TMC1: variants seen among roughly 807,000 people sequenced by gnomAD.
The protein encoded by TMC1 is transmembrane channel-like protein 1.
A neutral mutation model predicts 105.8 loss-of-function variants in TMC1; 84 were observed. The ratio of observed to expected loss-of-function variants is 0.79; its 90% CI spans 0.67 to 0.95. TMC1 has a LOEUF of 0.95. TMC1 is among the 40% of genes least tolerant of loss of function. TMC1 has a pLI of 0.00. For synonymous variants in TMC1, 315 were observed against 311.5 expected (o/e 1.01, Z -0.12); for missense variants, 817 against 914.1 (o/e 0.89, Z 1.37).
At chr9:72,688,291 A>G (rs999859547) in intron 5 of TMC1, among the ~76,000 whole-genome samples, 3 of 152,188 alleles carry the variant, frequency 2.0e-5, no homozygotes, top group African/African-American at 7.2e-5. Flanking sequence ...ATTTTTAAGT[A>G]GTTAATTTGG....
intron 13 of TMC1, among the ~76,000 whole-genome samples, chr9:72,786,389 A>G (rs890740390): frequency 6.6e-6 from 1 of 152,198 alleles, no homozygotes; most frequent in Non-Finnish European, 1.5e-5. Context: ...GCTTGCATTG[A>G]GCCGAGATCG....
At chr9:72,756,405 G>C (rs527679765) in intron 12 of TMC1, among the ~76,000 whole-genome samples, 7 of 152,234 alleles carry the variant, frequency 4.6e-5, no homozygotes, top group African/African-American at 1.4e-4. Context: ...AGAAGAGATG[G>C]CCTCTGAGTT....
At chr9:72,766,182 C>T (rs1391799505) in intron 12 of TMC1, among the ~76,000 whole-genome samples, 1 of 152,160 alleles carries the variant, frequency 6.6e-6, no homozygotes, top group East Asian at 1.9e-4. Flanking sequence ...CTTTGGGAGG[C>T]CGAGGTGGGT....
chr9:72,719,876 C>T (rs1826992463), intron 8 of TMC1, among the ~76,000 whole-genome samples: 1 of 152,138 alleles, frequency 6.6e-6, no homozygotes, highest in African/African-American at 2.4e-5. Context: ...AGATTTTGTC[C>T]ATCAAAAGGT....
intron 1 of TMC1, among the ~76,000 whole-genome samples, chr9:72,569,164 G>A (rs1824223314): frequency 6.6e-6 from 1 of 152,058 alleles, no homozygotes; most frequent in South Asian, 2.1e-4. Context: ...ACATCCTACT[G>A]TATACTTTAA....
In TMC1 at chr9:72,694,217, A is replaced by G. The variant is rs569802618; in HGVS notation, c.65-326A>G. On this transcript the variant is annotated intron_variant, in intron 6 of 23. Transcript: ENST00000297784. ...AACTTGGACTTATTTGAATGGTCTT[A>G]GAGGTCATGGTATGATATTAACCAC... Among the ~76,000 whole-genome samples, 293 of 152,336 alleles carry G rather than the reference A, an allele frequency of 1.9e-3. 1 individual carries two copies. Among genetic ancestry groups the G allele is most frequent in the Middle Eastern group, 6.8e-3 (2 of 294 alleles).
At chr9:72,564,949 A>G (rs1457815111) in intron 1 of TMC1, among the ~76,000 whole-genome samples, 1 of 152,260 alleles carries the variant, frequency 6.6e-6, no homozygotes, top group Non-Finnish European at 1.5e-5. Flanking sequence ...TTTTAAAACA[A>G]CTGCTACATA....
In TMC1 at chr9:72,647,584, T is replaced by C. The variant is rs892949161; in HGVS notation, c.-52-1013T>C. 2.0e-5 allele frequency among the ~76,000 whole-genome samples: 3 copies of C among 152,290 alleles called. No homozygotes were observed. In the South Asian group the frequency reaches 6.2e-4, roughly 32 times the overall value. On this transcript the variant is annotated intron_variant, in intron 4 of 23. Transcript: ENST00000297784. The stretch of plus-strand genomic sequence containing the variant: ...TTCTCTCTTACTACTCCAATTAAAA[T>C]CCAGTATCTAGAATAGGGAAAAACC...
At chr9:72,685,555 G>T (rs748251402) in intron 5 of TMC1, among the ~76,000 whole-genome samples, 2 of 151,828 alleles carry the variant, frequency 1.3e-5, no homozygotes, top group Non-Finnish European at 2.9e-5. Context: ...GTAGAGGCGG[G>T]GTTTCACCTT....
chr9:72,823,968 G>A (rs55658141), intron 20 of TMC1, among the ~76,000 whole-genome samples: 14,630 of 152,272 alleles, frequency 0.096, 756 homozygotes, highest in Non-Finnish European at 0.13. Flanking sequence ...TTTCATGCAT[G>A]ATTTTTCATA....
intron 21 of TMC1, 77 bp downstream of exon 21, chr9:72,827,071 C>T: frequency 6.4e-7 from 1 of 1,574,108 alleles, no homozygotes; most frequent in East Asian, 2.2e-5. Flanking sequence ...GCTTTTTCAG[C>T]TCTCTCACTC....
At chr9:72,582,020 C>T (rs1385477066) in intron 2 of TMC1, among the ~76,000 whole-genome samples, 3 of 152,200 alleles carry the variant, frequency 2.0e-5, no homozygotes, top group Non-Finnish European at 2.9e-5. Flanking sequence ...TGCAATGGCG[C>T]GATCTCGGCT....
At chr9:72,563,357 A>G in intron 1 of TMC1, among the ~76,000 whole-genome samples, 1 of 152,200 alleles carries the variant, frequency 6.6e-6, no homozygotes, top group South Asian at 2.1e-4. Flanking sequence ...CATAAGAAGC[A>G]TGGGTTGGAG....
chr9:72,685,860 A>G lies in TMC1; in HGVS notation c.17-2849A>G, dbSNP rs139799981. On this transcript the variant is annotated intron_variant, in intron 5 of 23. Coordinates refer to ENST00000297784, the MANE Select transcript of TMC1 (RefSeq NM_138691.3). ...CTATAAACATTGCTTCAAGAAGTAA[A>G]TGTGGGTCAGAGAAAAAGGCAATAC... 6.2e-3 allele frequency among the ~76,000 whole-genome samples: 939 copies of G among 152,298 alleles called. 7 individuals are homozygous for G. Among genetic ancestry groups the G allele is most frequent in the African/African-American group, 0.022 (900 of 41,564 alleles).
intron 5 of TMC1, among the ~76,000 whole-genome samples, chr9:72,683,904 T>A (rs1251226280): frequency 6.6e-6 from 1 of 151,238 alleles, no homozygotes; most frequent in African/African-American, 2.4e-5. Flanking sequence ...TTTCTGTTTC[T>A]CTCCTTTCTC....
At chr9:72,792,821 G>C (rs558092049) in intron 17 of TMC1, among the ~76,000 whole-genome samples, 1 of 152,186 alleles carries the variant, frequency 6.6e-6, no homozygotes, top group Non-Finnish European at 1.5e-5. Flanking sequence ...GAAATAGAGG[G>C]GTTGAGTAAA....
intron 11 of TMC1, 60 bp from the exon 12 acceptor site, chr9:72,754,726 A>C: frequency 7.6e-7 from 1 of 1,318,176 alleles, no homozygotes; most frequent in Non-Finnish European, 1.1e-6. Context: ...ATTTGTGATC[A>C]CATGTGTGGC....
intron 2 of TMC1, among the ~76,000 whole-genome samples, chr9:72,584,769 T>TTTTTC (rs1320006700): frequency 7.7e-4 from 112 of 145,280 alleles, no homozygotes; most frequent in Non-Finnish European, 1.3e-3. Flanking sequence ...GTAGTTCTCC[T>TTTTTC]TTTTCTTTTC....
At chr9:72,549,177 C>T (rs1325980421) in intron 1 of TMC1, among the ~76,000 whole-genome samples, 1 of 152,224 alleles carries the variant, frequency 6.6e-6, no homozygotes, top group African/African-American at 2.4e-5. Flanking sequence ...TGTTATTGTA[C>T]ACTCATGTAT....
Sources: gnomAD v4.1 joint callset for allele counts (sites outside exome capture counted in the v4.1 genomes callset) on GRCh38, gnomAD v4.1.1 for gene constraint, MANE v1.5 for transcripts, NCBI Gene and HGNC (gene_info 2026-07-23, HGNC 2026-07-21) for gene names.